GREB1: variants seen among roughly 807,000 people sequenced by gnomAD.
GREB1 encodes the protein protein GREB1.
In GREB1, 106 loss-of-function variants were observed where a neutral mutation model predicts 200.7. That is an observed-to-expected ratio of 0.53 (90% confidence interval 0.45 to 0.62). The LOEUF is 0.62. GREB1 is among the 20% of genes least tolerant of loss of function. The pLI is 0.00. For missense variants in GREB1, 2,243 were observed against 2,556.8 expected (o/e 0.88, Z 2.65); for synonymous variants, 1,132 against 1,092.4 (o/e 1.04, Z -0.72).
In GREB1 at chr2:11,585,195, C is replaced by T. The variant is rs1326740050; in HGVS notation, c.936C>T (p.Arg312=). The T allele has an allele frequency of 1.9e-6, 3 of 1,582,506 alleles. No homozygotes were observed. The highest frequency in any genetic ancestry group is 2.6e-6 in the Non-Finnish European group (3 of 1,167,388). ...CAAACTCCGGGCCCCCCAAAAAACG[C>T]CACAAAGGGTGGTCTCCAGAATCTC... ...ILSNSGPPKK[R]HKGWSPESPS... The change falls in exon 8 of 33, where the codon CGC becomes CGT. Residue 312 remains arginine, a synonymous_variant. Coordinates refer to ENST00000381486, the MANE Select transcript of GREB1 (RefSeq NM_014668.4).
At chr2:11,550,877 A>G (rs1197785728) in intron 1 of GREB1, among the ~76,000 whole-genome samples, 1 of 152,074 alleles carries the variant, frequency 6.6e-6, no homozygotes, top group Non-Finnish European at 1.5e-5. Flanking sequence ...CATCTGTCCC[A>G]TTTCACCAGA....
In GREB1 at chr2:11,620,897, C is replaced by T. The variant is rs754985387; in HGVS notation, c.4045-8C>T. The stretch of plus-strand genomic sequence containing the variant: ...TCACTGGGGGTTTTAACTCCTATAC[C>T]TTTACAGATCGGGAAGACAGGTGCC... On this transcript the variant is annotated splice_region_variant and splice_polypyrimidine_tract_variant and intron_variant, in intron 22 of 32. Coordinates refer to ENST00000381486, the MANE Select transcript of GREB1 (RefSeq NM_014668.4). The T allele has an allele frequency of 2.0e-5, 32 of 1,579,446 alleles. No individual in the cohort carries two copies. Among genetic ancestry groups the T allele is most frequent in the Middle Eastern group, 3.3e-4 (2 of 6,024 alleles).
At chr2:11,525,955 C>G (rs1289573910) in intron 1 of GREB1, among the ~76,000 whole-genome samples, 1 of 152,126 alleles carries the variant, frequency 6.6e-6, no homozygotes, top group Non-Finnish European at 1.5e-5. Context: ...TTAACTTTGC[C>G]CGGAGAGTAA....
rs377652092 is a variant in GREB1, at chr2:11,618,869, C to G, written c.3994C>G (p.Arg1332Gly). 6.3e-7 allele frequency: 1 copy of G among 1,576,828 alleles called. No homozygotes were observed. The highest frequency in any genetic ancestry group is 8.6e-7 in the Non-Finnish European group (1 of 1,166,646). ...HMDYGNRAEG[R>G]VDGFHPRRLL... Reference sequence around the variant, plus strand: ...GGACTACGGCAACCGGGCCGAGGGCCGCGTGGACGGCTTCCACCCCCGCAG... The same window carrying G: ...GGACTACGGCAACCGGGCCGAGGGCGGCGTGGACGGCTTCCACCCCCGCAG... Residue 1332 changes from arginine to glycine, a missense_variant, in exon 22 of 33, where the codon CGC becomes GGC. By Grantham distance (125) the Arg-to-Gly change is moderately radical. Transcript: ENST00000381486.
At chr2:11,513,052 C>G (rs1673395006) in intron 1 of GREB1, among the ~76,000 whole-genome samples, 2 of 152,172 alleles carry the variant, frequency 1.3e-5, no homozygotes, top group Non-Finnish European at 2.9e-5. Flanking sequence ...CTTCTCTGTT[C>G]TGGAGCTGAA....
upstream of GREB1, among the ~76,000 whole-genome samples, chr2:11,532,155 A>G (rs1284704678): frequency 6.6e-6 from 1 of 152,200 alleles, no homozygotes; most frequent in Non-Finnish European, 1.5e-5. Context: ...AGCAAAGATC[A>G]TATATTCGAG....
At chr2:11,587,226 C>T (rs1288194008) in intron 9 of GREB1, among the ~76,000 whole-genome samples, 3 of 152,194 alleles carry the variant, frequency 2.0e-5, no homozygotes, top group Non-Finnish European at 4.4e-5. Flanking sequence ...CCAAGCCCTC[C>T]TGAGGCCTTA....
chr2:11,598,335 T>C (rs1196457960), intron 14 of GREB1, among the ~76,000 whole-genome samples: 2 of 152,248 alleles, frequency 1.3e-5, no homozygotes, highest in African/African-American at 4.8e-5. Flanking sequence ...AGTGGTGTCA[T>C]GTATCGCCCT....
chr2:11,618,948 C>A (rs1384219352), intron 22 of GREB1, 29 bp downstream of exon 22: 3 of 1,456,610 alleles, frequency 2.1e-6, no homozygotes, highest in Non-Finnish European at 2.7e-6. Context: ...CCCAGCACAG[C>A]CCCGGACTGG....
chr2:11,564,737 A>G (rs921159421), intron 3 of GREB1, among the ~76,000 whole-genome samples: 4 of 152,218 alleles, frequency 2.6e-5, no homozygotes, highest in African/African-American at 9.6e-5. Context: ...TCCCAAGCCA[A>G]TGCAAGGAAC....
At chr2:11,612,023 G>C (rs1163992941) in intron 18 of GREB1, among the ~76,000 whole-genome samples, 5 of 152,030 alleles carry the variant, frequency 3.3e-5, no homozygotes, top group Non-Finnish European at 5.9e-5. Context: ...GAGAAACCCT[G>C]TCTCTACTAA....
intron 16 of GREB1, among the ~76,000 whole-genome samples, chr2:11,602,143 G>A (rs867674628): frequency 4.6e-5 from 7 of 152,206 alleles, no homozygotes; most frequent in Admixed American, 1.3e-4. Flanking sequence ...AGATAAGGCT[G>A]ATTTTCTTCT....
chr2:11,585,393 G>A, intron 8 of GREB1, 119 bp downstream of exon 8: 2 of 646,518 alleles, frequency 3.1e-6, no homozygotes, highest in Non-Finnish European at 5.3e-6. Flanking sequence ...CGTGTGTACT[G>A]ATGAGGGAGT....
intron 25 of GREB1, among the ~76,000 whole-genome samples, chr2:11,627,423 G>A (rs545275907): frequency 7.2e-5 from 11 of 152,310 alleles, no homozygotes; most frequent in African/African-American, 2.6e-4. Context: ...TCTGTACCAG[G>A]CACTGGGGCT....
chr2:11,568,605 A>C (rs1401660409), intron 4 of GREB1, among the ~76,000 whole-genome samples: 1 of 152,266 alleles, frequency 6.6e-6, no homozygotes, highest in Non-Finnish European at 1.5e-5. Flanking sequence ...CCTGGTGGCC[A>C]CCTTAGCGTT....
chr2:11,590,244 C>G (rs1322679655), intron 10 of GREB1, among the ~76,000 whole-genome samples: 1 of 152,198 alleles, frequency 6.6e-6, no homozygotes, highest in Non-Finnish European at 1.5e-5. Flanking sequence ...GCCTCGCTCA[C>G]CCTCTCTGTG....
intron 4 of GREB1, among the ~76,000 whole-genome samples, chr2:11,569,197 T>C (rs548899513): frequency 7.0e-4 from 106 of 152,368 alleles, no homozygotes; most frequent in Middle Eastern, 3.4e-3. Flanking sequence ...GGAAAACATA[T>C]TCCGCTAGAT....
At position 11,618,422 on chromosome 2, in the gene GREB1, C is replaced by A; in HGVS notation, c.3547C>A (p.Gln1183Lys). The change falls in exon 22 of 33, where the codon CAG (glutamine) becomes AAG (lysine). Residue 1183 changes from glutamine (Q) to lysine (K), a missense_variant. Transcript: ENST00000381486. Reference protein sequence around the residue: ...PGEKQRPRASQGPPSAISRHS... With the variant: ...PGEKQRPRASKGPPSAISRHS... ...TGAGAAACAGAGGCCCCGGGCAAGT[C>A]AGGGGCCACCCTCGGCCATCAGCAG... 6.2e-7 allele frequency: 1 copy of A among 1,608,822 alleles called. No homozygotes were observed. The highest frequency in any genetic ancestry group is 1.1e-5 in the South Asian group (1 of 90,470).
Position 11,627,057 on chromosome 2 carries a change from C to T in GREB1, c.4402C>T (p.His1468Tyr). 6.2e-7 allele frequency: 1 copy of T among 1,613,472 alleles called. No individual in the cohort carries two copies. The highest frequency in any genetic ancestry group is 8.5e-7 in the Non-Finnish European group (1 of 1,179,578). Residue 1468 changes from histidine (H) to tyrosine (Y), a missense_variant, in exon 25 of 33, where the codon CAC becomes TAC. By Grantham distance (83) the His-to-Tyr change is moderately conservative. Around this residue, in one of 3 missense-constraint regions of GREB1, gnomAD observed 587 missense variants for 553.1 expected, o/e 1.06. Coordinates refer to ENST00000381486, the MANE Select transcript of GREB1 (RefSeq NM_014668.4). The stretch of plus-strand genomic sequence containing the variant: ...GTACGCAGCGTACAACACTTACCAC[C>T]ACTGTGAGCAGTGCCACCAGTACAT... ...SKYAAYNTYH[H>Y]CEQCHQYMGF... is the part of the protein sequence containing the mutation.
Sources: allele counts gnomAD v4.1 joint callset (sites outside exome capture counted in the v4.1 genomes callset), GRCh38; gene constraint gnomAD v4.1.1; regional missense constraint gnomAD v4.1.1; transcripts MANE v1.5; gene names NCBI Gene and HGNC (gene_info 2026-07-23, HGNC 2026-07-21).